Variants in GYPC observed in about 807,000 individuals in gnomAD.
GYPC encodes glycophorin-C.
GYPC carries 14 observed loss-of-function variants against 12.6 expected under a neutral mutation model. That is an observed-to-expected ratio of 1.11 (90% CI 0.74 to 1.74). GYPC has a LOEUF of 1.74. GYPC is among the 40% of genes most tolerant of loss of function. GYPC has a pLI of 0.00. For missense variants in GYPC, 225 were observed against 172.1 expected (o/e 1.31, Z -1.72); for synonymous variants, 78 against 62.1 (o/e 1.26, Z -1.20).
chr2:126,672,573 A>G (rs1051205427), intron 1 of GYPC, among the ~76,000 whole-genome samples: 7 of 152,198 alleles, frequency 4.6e-5, no homozygotes, highest in Non-Finnish European at 1.0e-4. Context: ...CAGAGCACAC[A>G]GGACCCTTAG....
intron 1 of GYPC, among the ~76,000 whole-genome samples, chr2:126,665,938 G>T (rs573942290): frequency 1.6e-4 from 24 of 152,194 alleles, no homozygotes; most frequent in Non-Finnish European, 3.5e-4. Context: ...CCAGCTCTGG[G>T]ACTCTGCAGC....
intron 1 of GYPC, among the ~76,000 whole-genome samples, chr2:126,668,718 A>T (rs1408004181): frequency 1.3e-5 from 2 of 152,228 alleles, no homozygotes; most frequent in Non-Finnish European, 2.9e-5. Flanking sequence ...ATCACTTTAG[A>T]CATCCCTGGT....
At chr2:126,669,395 AC>A (rs1682778098) in intron 1 of GYPC, among the ~76,000 whole-genome samples, 1 of 151,912 alleles carries the variant, frequency 6.6e-6, no homozygotes, top group Non-Finnish European at 1.5e-5. Flanking sequence ...AGGGGTTCCA[AC>A]CCCTAGTCTA....
chr2:126,686,205 T>C (rs1683284786), intron 1 of GYPC: 2 of 984,900 alleles, frequency 2.0e-6, no homozygotes, highest in African/African-American at 1.7e-5. Context: ...GCCTCAGGGC[T>C]AGCACCTGAC....
intron 1 of GYPC, among the ~76,000 whole-genome samples, chr2:126,659,601 T>G (rs958974848): frequency 3.9e-5 from 6 of 152,098 alleles, no homozygotes; most frequent in African/African-American, 9.7e-5. Flanking sequence ...CGAAATTTAT[T>G]GGAGCAAACC....
chr2:126,685,730 A>G lies in GYPC; in HGVS notation c.50-4525A>G. ...AGGCTTGTAGGTTCCTCGCAATTGAACACTCCAGGTAACTGCCACAGCACC... is the reference window on the plus strand; with the variant it reads ...AGGCTTGTAGGTTCCTCGCAATTGAGCACTCCAGGTAACTGCCACAGCACC... On this transcript the variant is annotated intron_variant, in intron 1 of 3. Transcript: ENST00000259254. The G allele has an allele frequency of 3.1e-6, 3 of 962,060 alleles. No homozygotes were observed. The South Asian group carries it at 1.4e-4, about 46-fold the overall frequency. 59.6% of individuals were successfully genotyped at this position (962,060 alleles called of 1,614,324 possible).
At chr2:126,686,864 C>A (rs992500381) in intron 1 of GYPC, among the ~76,000 whole-genome samples, 17 of 152,112 alleles carry the variant, frequency 1.1e-4, no homozygotes, top group Non-Finnish European at 2.5e-4. Context: ...GCAGATCACC[C>A]CCATCCTAGT....
chr2:126,686,800 G>A (rs1473591638), intron 1 of GYPC, among the ~76,000 whole-genome samples: 2 of 152,104 alleles, frequency 1.3e-5, no homozygotes, highest in Non-Finnish European at 2.9e-5. Flanking sequence ...CCAGACCCAA[G>A]CTTGGCCGTA....
intron 3 of GYPC, among the ~76,000 whole-genome samples, chr2:126,694,437 G>C (rs576387990): frequency 1.3e-5 from 2 of 152,266 alleles, no homozygotes; most frequent in East Asian, 3.9e-4. Context: ...TGTGTTTGAA[G>C]AACAACCAAG....
At chr2:126,656,392 C>A in intron 1 of GYPC, 80 bp downstream of exon 1, 3 of 1,258,572 alleles carry the variant, frequency 2.4e-6, no homozygotes, top group Non-Finnish European at 3.4e-6. Flanking sequence ...GAGCCACGGC[C>A]ACGGACGCCC....
intron 2 of GYPC, among the ~76,000 whole-genome samples, chr2:126,691,889 C>T (rs1430068123): frequency 6.6e-6 from 1 of 152,166 alleles, no homozygotes; most frequent in Non-Finnish European, 1.5e-5. Flanking sequence ...GGTATTTGAG[C>T]TTCTATAACC....
Position 126,690,284 on chromosome 2 carries a change from A to T in GYPC, c.79A>T (p.Thr27Ser). The T allele has an allele frequency of 6.2e-7, 1 of 1,613,018 alleles. No homozygotes were observed. The highest frequency in any genetic ancestry group is 8.5e-7 in the Non-Finnish European group (1 of 1,178,980). ...TGATCCGGGGATGGCCTCTGCCTCCACCACAATGCATACTACCACCATTGC... is the reference window on the plus strand; with the variant it reads ...TGATCCGGGGATGGCCTCTGCCTCCTCCACAATGCATACTACCACCATTGC... ...EPDPGMASAS[T>S]TMHTTTIAEP... is the part of the protein sequence containing the mutation. Residue 27 changes from threonine to serine, a missense_variant, in exon 2 of 4, where the codon ACC becomes TCC. Physicochemically the swap from Thr to Ser is moderately conservative, Grantham distance 58. Transcript: ENST00000259254.
At chr2:126,692,937 T>A (rs1437502121) in intron 2 of GYPC, among the ~76,000 whole-genome samples, 1 of 152,190 alleles carries the variant, frequency 6.6e-6, no homozygotes, top group Non-Finnish European at 1.5e-5. Context: ...AACCTTGGTG[T>A]TCTTCCTGTG....
chr2:126,681,688 C>G (rs74538444), intron 1 of GYPC, among the ~76,000 whole-genome samples: 2 of 151,392 alleles, frequency 1.3e-5, no homozygotes, highest in South Asian at 4.2e-4. Flanking sequence ...GTTGTGCCAC[C>G]GGGTTTTACA....
At chr2:126,679,311 CA>C (rs28387162) in intron 1 of GYPC, among the ~76,000 whole-genome samples, 10,485 of 152,240 alleles carry the variant, frequency 0.069, 451 homozygotes, top group Non-Finnish European at 0.1. Flanking sequence ...CAGGACTCTA[CA>C]AAGGTCTGGT....
intron 1 of GYPC, among the ~76,000 whole-genome samples, chr2:126,684,266 C>T (rs145666451): frequency 3.9e-5 from 6 of 152,332 alleles, no homozygotes; most frequent in African/African-American, 1.4e-4. Context: ...TGTATTCCAT[C>T]TGCAAGACCA....
chr2:126,676,369 T>C (rs1682994912), intron 1 of GYPC, among the ~76,000 whole-genome samples: 1 of 152,246 alleles, frequency 6.6e-6, no homozygotes, highest in African/African-American at 2.4e-5. Context: ...ACAGCAGGAC[T>C]GGGCCAATTC....
chr2:126,680,889 C>T lies in GYPC; in HGVS notation c.50-9366C>T, dbSNP rs909373238. ...GTCCTACTATCCAACAACAGCCTGA[C>T]GCCTGCTCACGGGAGACACCGCCAA... On this transcript the variant is annotated intron_variant, in intron 1 of 3. Transcript: ENST00000259254. Among the ~76,000 whole-genome samples the T allele has an allele frequency of 9.7e-4, 148 of 152,202 alleles. 1 individual carries two copies. The highest frequency in any genetic ancestry group is 8.5e-3 in the Admixed American group (130 of 15,276).
rs138910108 is a variant in GYPC at position 126,667,253 on chromosome 2, C to T, written c.49+10941C>T. 6.6e-3 allele frequency among the ~76,000 whole-genome samples: 1,000 copies of T among 152,252 alleles called. 9 individuals are homozygous for T. The highest frequency in any genetic ancestry group is 0.012 in the Non-Finnish European group (797 of 68,016). ...GGGTTCAGCACTAAGTCTCCCATAC[C>T]CTTCTGCAATGAATCCCTCTGGAGT... On this transcript the variant is annotated intron_variant, in intron 1 of 3. Coordinates refer to ENST00000259254, the MANE Select transcript of GYPC (RefSeq NM_002101.5).
Sources: gnomAD v4.1 joint callset for allele counts (sites outside exome capture counted in the v4.1 genomes callset) on GRCh38, gnomAD v4.1.1 for gene constraint, MANE v1.5 for transcripts, NCBI Gene and HGNC (gene_info 2026-07-23, HGNC 2026-07-21) for gene names.